Variants in TANC2 observed in about 807,000 individuals in gnomAD.
TANC2 encodes the protein protein TANC2.
Under a neutral mutation model 210.5 loss-of-function variants are expected in TANC2, and 26 were observed. The observed-to-expected ratio is 0.12, with a 90% CI of 0.09 to 0.17. The LOEUF is 0.17. TANC2 is among the 10% of genes least tolerant of loss of function. The pLI is 1.00. For missense variants in TANC2, 2,129 were observed against 2,608.9 expected, an observed-to-expected ratio of 0.82 and a Z score of 4.01; for synonymous variants, 931 against 967.1, an observed-to-expected ratio of 0.96 and a Z score of 0.69.
intron 4 of TANC2, among the ~76,000 whole-genome samples, chr17:63,123,571 AG>A (rs1261441569): frequency 5.3e-5 from 8 of 151,360 alleles, no homozygotes; most frequent in African/African-American, 1.7e-4. Context: ...AAAAAAAAAA[AG>A]AAAAAGGGGA....
intron 4 of TANC2, among the ~76,000 whole-genome samples, chr17:63,137,447 C>A (rs2039129017): frequency 6.6e-6 from 1 of 152,166 alleles, no homozygotes; most frequent in Non-Finnish European, 1.5e-5. Context: ...TGTAATTCTT[C>A]TTTGTTCTCA....
chr17:63,098,474 ACACACATACACTCTCTCT>A (rs1207142961), intron 3 of TANC2, among the ~76,000 whole-genome samples: 4 of 40,080 alleles, frequency 1.0e-4, no homozygotes, highest in African/African-American at 7.0e-4. Context: ...ACACACACAC[ACACACATACACTCTCTCT>A]CTCTCTCTCT....
At chr17:62,968,237 T>C (rs1037896654) in intron 1 of TANC2, among the ~76,000 whole-genome samples, 2 of 152,220 alleles carry the variant, frequency 1.3e-5, no homozygotes, top group African/African-American at 4.8e-5. Context: ...AGCAGAAATA[T>C]GGAAATGTGT....
chr17:63,379,924 G>A (rs909849267), intron 15 of TANC2, 98 bp downstream of exon 15: 3 of 1,055,242 alleles, frequency 2.8e-6, no homozygotes, highest in Non-Finnish European at 4.1e-6. Flanking sequence ...GCCTTCTGAA[G>A]TTCTTTTGCT....
chr17:63,388,798 CTA>C (rs1178187480), intron 16 of TANC2, 41 bp downstream of exon 16: 9 of 1,422,354 alleles, frequency 6.3e-6, no homozygotes, highest in South Asian at 1.5e-5. Flanking sequence ...AAGGAATTAA[CTA>C]TGAAAAAATA....
chr17:63,236,194 T>C (rs777462812), intron 7 of TANC2, among the ~76,000 whole-genome samples: 48 of 152,076 alleles, frequency 3.2e-4, no homozygotes, highest in Admixed American at 5.9e-4. Flanking sequence ...GCTGAGGCTC[T>C]CCAGCAGTCC....
intron 9 of TANC2, among the ~76,000 whole-genome samples, chr17:63,288,233 G>A (rs1384374990): frequency 6.6e-6 from 1 of 152,102 alleles, no homozygotes; most frequent in Non-Finnish European, 1.5e-5. Context: ...TTGGTCTCCT[G>A]GGATTCTCAG....
intron 1 of TANC2, among the ~76,000 whole-genome samples, chr17:62,997,464 T>G (rs183464293): frequency 1.4e-3 from 217 of 152,324 alleles, no homozygotes; most frequent in African/African-American, 5.0e-3. Context: ...GCATTTACTT[T>G]AAATATATGT....
At chr17:63,137,008 T>C (rs976894459) in intron 4 of TANC2, among the ~76,000 whole-genome samples, 7 of 152,166 alleles carry the variant, frequency 4.6e-5, no homozygotes, top group African/African-American at 1.7e-4. Flanking sequence ...TTCAGAGATG[T>C]GCAATGAGAC....
chr17:63,344,072 C>T (rs1223624957), intron 12 of TANC2, among the ~76,000 whole-genome samples: 1 of 152,206 alleles, frequency 6.6e-6, no homozygotes, highest in Non-Finnish European at 1.5e-5. Flanking sequence ...AACCAGGCCA[C>T]ACAGCAGGAG....
At chr17:62,987,874 C>T (rs1306948844) in intron 1 of TANC2, among the ~76,000 whole-genome samples, 1 of 152,086 alleles carries the variant, frequency 6.6e-6, no homozygotes, top group East Asian at 1.9e-4. Flanking sequence ...AGCTATCTTG[C>T]TGAAGTCACT....
chr17:63,027,837 T>C (rs2034617028), intron 2 of TANC2, among the ~76,000 whole-genome samples: 1 of 152,158 alleles, frequency 6.6e-6, no homozygotes, highest in African/African-American at 2.4e-5. Context: ...GCATCTTTCT[T>C]ACATATTTTA....
intron 1 of TANC2, among the ~76,000 whole-genome samples, chr17:62,988,012 C>T (rs560887902): frequency 1.3e-5 from 2 of 152,202 alleles, no homozygotes; most frequent in African/African-American, 4.8e-5. Flanking sequence ...TAAACACGAT[C>T]TTTTTGATTT....
At chr17:63,389,848 A>C in intron 17 of TANC2, 1 of 353,152 alleles carries the variant, frequency 2.8e-6, no homozygotes, top group Non-Finnish European at 5.4e-6. Flanking sequence ...TCTTTTTAAC[A>C]AAGAGAGGAA....
At chr17:63,241,118 G>GTAAGTAA (rs1298207550) in intron 8 of TANC2, among the ~76,000 whole-genome samples, 1 of 152,134 alleles carries the variant, frequency 6.6e-6, no homozygotes, top group Non-Finnish European at 1.5e-5. Context: ...ATAGAATATA[G>GTAAGTAA]TCTTCTCATA....
At chr17:63,168,003 C>A (rs1045489909) in intron 5 of TANC2, among the ~76,000 whole-genome samples, 4 of 151,968 alleles carry the variant, frequency 2.6e-5, no homozygotes, top group African/African-American at 9.7e-5. Flanking sequence ...TCTAAATACT[C>A]CCCTCTGCAA....
At chr17:63,103,345 G>A (rs1342973273) in intron 4 of TANC2, among the ~76,000 whole-genome samples, 1 of 152,128 alleles carries the variant, frequency 6.6e-6, no homozygotes, top group Non-Finnish European at 1.5e-5. Context: ...CAGTCTGGAG[G>A]GAGTAAGAAT....
At chr17:63,401,697 T>C (rs191561234) in intron 19 of TANC2, among the ~76,000 whole-genome samples, 1 of 152,232 alleles carries the variant, frequency 6.6e-6, no homozygotes, top group East Asian at 1.9e-4. Context: ...ACAGACTTCT[T>C]AGGGAACACC....
At chr17:63,358,434 T>G (rs1384059752) in intron 14 of TANC2, among the ~76,000 whole-genome samples, 1 of 150,288 alleles carries the variant, frequency 6.7e-6, no homozygotes, top group African/African-American at 2.5e-5. Flanking sequence ...TATCAAACTG[T>G]AAGCAGAGTA....
Sources: gnomAD v4.1 joint callset for allele counts (sites outside exome capture counted in the v4.1 genomes callset) on GRCh38, gnomAD v4.1.1 for gene constraint, MANE v1.5 for transcripts, NCBI Gene and HGNC (gene_info 2026-07-23, HGNC 2026-07-21) for gene names.